R3HDM1: variants seen among roughly 807,000 people sequenced by gnomAD.
The protein encoded by R3HDM1 is R3H domain containing 1, also known as R3H domain-containing protein 1.
In R3HDM1, 46 loss-of-function variants were observed where a neutral mutation model predicts 141.1. The ratio of observed to expected loss-of-function variants is 0.33; its 90% CI spans 0.26 to 0.42. The LOEUF is 0.42. Ranked by LOEUF, R3HDM1 falls within the 10% of genes least tolerant of loss-of-function variation. The probability of loss-of-function intolerance (pLI) is 1.00; values close to 1 mark genes in which losing one functional copy is unlikely to be tolerated. For missense variants in R3HDM1, 1,184 were observed against 1,368.3 expected, an observed-to-expected ratio of 0.87 and a Z score of 2.12; for synonymous variants, 435 against 472.9, an observed-to-expected ratio of 0.92 and a Z score of 1.04.
At chr2:135,654,863 AGTGT>A (rs60593262) in intron 18 of R3HDM1, among the ~76,000 whole-genome samples, 22,352 of 136,532 alleles carry the variant, frequency 0.16, 1,955 homozygotes, top group Middle Eastern at 0.38. Flanking sequence ...GTGTATATAA[AGTGT>A]GTGTGTGTGT....
At chr2:135,628,225 A>C (rs1422871939) in intron 7 of R3HDM1, among the ~76,000 whole-genome samples, 1 of 152,216 alleles carries the variant, frequency 6.6e-6, no homozygotes, top group Non-Finnish European at 1.5e-5. Context: ...CCTCAATTAC[A>C]GATTTGAAAA....
At chr2:135,621,633 T>TTA in intron 6 of R3HDM1, 25 bp downstream of exon 6, 1 of 1,392,382 alleles carries the variant, frequency 7.2e-7, no homozygotes. Flanking sequence ...TGTTTTTTTT[T>TTA]AAAAAAAAAT....
At chr2:135,576,379 T>TA (rs745371609) in intron 1 of R3HDM1, among the ~76,000 whole-genome samples, 2 of 150,264 alleles carry the variant, frequency 1.3e-5, no homozygotes, top group Admixed American at 1.3e-4. Context: ...AAAAAAAAAA[T>TA]AAAAAAAAGT....
chr2:135,532,890 A>G (rs1695231490), intron 1 of R3HDM1, among the ~76,000 whole-genome samples: 1 of 152,178 alleles, frequency 6.6e-6, no homozygotes, highest in Admixed American at 6.5e-5. Flanking sequence ...CTGGAAGAAT[A>G]TGTCTTTAAA....
At chr2:135,561,872 A>T (rs890915520) in intron 1 of R3HDM1, among the ~76,000 whole-genome samples, 1 of 152,208 alleles carries the variant, frequency 6.6e-6, no homozygotes, top group Non-Finnish European at 1.5e-5. Flanking sequence ...AAACAATAAA[A>T]TGACCGTTAA....
chr2:135,669,516 A>C, intron 19 of R3HDM1: 1 of 984,894 alleles, frequency 1.0e-6, no homozygotes, highest in Non-Finnish European at 1.2e-6. Context: ...AGTCTTCATT[A>C]ACCAAAATTA....
At chr2:135,695,118 A>G (rs2073044093) in intron 21 of R3HDM1, among the ~76,000 whole-genome samples, 1 of 152,220 alleles carries the variant, frequency 6.6e-6, no homozygotes. Context: ...TCATAAAAGC[A>G]AAACCCAAAA....
At position 135,724,316 on chromosome 2, in the gene R3HDM1, T is replaced by G. The variant is rs1416994962; in HGVS notation, c.*24T>G. ...AACAGCCACCTTTGGACCCTTCGCC[T>G]TTATGGTTCCCCTGCCCTCTCCCAT... On this transcript the variant is annotated 3_prime_UTR_variant, in exon 27 of 27. Transcript: ENST00000683871. 6.6e-7 allele frequency: 1 copy of G among 1,522,746 alleles called. No individual in the cohort carries two copies. Among genetic ancestry groups the G allele is most frequent in the Non-Finnish European group, 9.0e-7 (1 of 1,113,240 alleles). 94.3% of individuals were successfully genotyped at this position (1,522,746 alleles called of 1,614,324 possible). A position where few individuals can be genotyped will look rare whatever the true frequency, so the allele number is the denominator to read the frequency against.
intron 21 of R3HDM1, among the ~76,000 whole-genome samples, chr2:135,696,768 G>C (rs2073312948): frequency 6.6e-6 from 1 of 152,312 alleles, no homozygotes; most frequent in South Asian, 2.1e-4. Context: ...TGGGTTTACA[G>C]ATGTGAGCCA....
At chr2:135,622,454 A>G in intron 6 of R3HDM1, 200 bp from the exon 7 acceptor site, 1 of 983,980 alleles carries the variant, frequency 1.0e-6, no homozygotes, top group Non-Finnish European at 1.2e-6. Context: ...ATGCAGTTAT[A>G]TAAACTCATG....
At chr2:135,665,290 C>A in intron 19 of R3HDM1, 1 of 403,880 alleles carries the variant, frequency 2.5e-6, no homozygotes. Flanking sequence ...TTTAGGTTTA[C>A]AAAGCCCTAG....
At chr2:135,577,838 CAAAAAA>C (rs541600763) in intron 1 of R3HDM1, among the ~76,000 whole-genome samples, 1 of 62,874 alleles carries the variant, frequency 1.6e-5, no homozygotes, top group Non-Finnish European at 3.9e-5. Flanking sequence ...AACTTCATCT[CAAAAAA>C]AAAAAAAAAA....
At chr2:135,674,652 A>G (rs886193131) in intron 19 of R3HDM1, among the ~76,000 whole-genome samples, 1 of 152,214 alleles carries the variant, frequency 6.6e-6, no homozygotes, top group South Asian at 2.1e-4. Flanking sequence ...TAAATTACCA[A>G]CATTCAGTTT....
chr2:135,716,634 T>C (rs764309470), intron 24 of R3HDM1, among the ~76,000 whole-genome samples: 1 of 152,192 alleles, frequency 6.6e-6, no homozygotes, highest in Non-Finnish European at 1.5e-5. Flanking sequence ...GAATATTATG[T>C]AGCTATCTAA....
rs868714038 is a variant in R3HDM1, at chr2:135,630,297, A to C, written c.498-1421A>C. On this transcript the variant is annotated intron_variant, in intron 7 of 26. Transcript: ENST00000683871. ...CTTCTCAACCAAAAAAAAAAAAAAA[A>C]AAAAAAAAAAACAAAAAAAAAACGA... Among the ~76,000 whole-genome samples, 1,123 of 146,330 alleles carry C rather than the reference A, an allele frequency of 7.7e-3. 18 individuals carry two copies. Among genetic ancestry groups the C allele is most frequent in the African/African-American group, 0.028 (1,051 of 37,490 alleles).
chr2:135,584,109 C>G, intron 1 of R3HDM1: 2 of 930,984 alleles, frequency 2.1e-6, no homozygotes, highest in Non-Finnish European at 2.6e-6. Flanking sequence ...AGGTGGATCA[C>G]TTGAGGTCAG....
chr2:135,550,195 T>G, intron 1 of R3HDM1: 1 of 985,096 alleles, frequency 1.0e-6, no homozygotes, highest in Non-Finnish European at 1.2e-6. Context: ...TTGTGAGTGT[T>G]GATTTTCTTT....
rs1053999323 is a variant in R3HDM1 at position 135,710,085 on chromosome 2, G to C, written c.2590G>C (p.Gly864Arg). Residue 864 changes from glycine (G) to arginine (R), a missense_variant, in exon 23 of 27, where the codon GGG becomes CGG. Physicochemically the swap from Gly to Arg is moderately radical, Grantham distance 125. Coordinates refer to ENST00000683871, the MANE Select transcript of R3HDM1 (RefSeq NM_001378107.1). The part of the protein sequence containing the change: ...TAGPPPPPGG[G>R]MVMMQLSVPN... ...TGGACCACCACCGCCACCTGGTGGG[G>C]GGATGGTGATGATGCAGCTCAGTGT... The C allele has an allele frequency of 1.9e-6, 3 of 1,613,910 alleles. No homozygotes were observed. Among genetic ancestry groups the C allele is most frequent in the Middle Eastern group, 3.3e-4 (2 of 6,060 alleles).
chr2:135,653,741 C>T (rs72970209), intron 18 of R3HDM1, among the ~76,000 whole-genome samples: 6,329 of 151,960 alleles, frequency 0.042, 451 homozygotes, highest in African/African-American at 0.15. Flanking sequence ...CCTGTAATCC[C>T]AAATGGTGAA....
Sources: allele counts gnomAD v4.1 joint callset (sites outside exome capture counted in the v4.1 genomes callset), GRCh38; gene constraint gnomAD v4.1.1; transcripts MANE v1.5; gene names NCBI Gene and HGNC (gene_info 2026-07-23, HGNC 2026-07-21).